KCNK9: variants seen among roughly 807,000 people sequenced by gnomAD.
KCNK9 encodes potassium two pore domain channel subfamily K member 9.
A neutral mutation model predicts 10.8 loss-of-function variants in KCNK9; 1 was observed. The ratio of observed to expected loss-of-function variants is 0.09; its 90% confidence interval spans 0.03 to 0.44. The LOEUF (loss-of-function observed/expected upper bound fraction) is 0.44, where lower values mean the gene tolerates loss of function less well. Among genes scored for constraint, KCNK9 ranks in the 20% least tolerant of loss-of-function variants. The probability of loss-of-function intolerance (pLI) is 0.97; values close to 1 mark genes in which losing one functional copy is unlikely to be tolerated. For synonymous variants in KCNK9, 231 were observed against 222.7 expected, an observed-to-expected ratio of 1.04 and a Z score of -0.33; for missense variants, 303 against 515.0, an observed-to-expected ratio of 0.59 and a Z score of 3.98.
intron 1 of KCNK9, among the ~76,000 whole-genome samples, chr8:139,687,595 C>G (rs1481518913): frequency 1.6e-5 from 1 of 63,304 alleles, no homozygotes; most frequent in South Asian, 4.9e-4. Flanking sequence ...CATATATATT[C>G]ATATGTATAC....
chr8:139,672,689 C>G (rs1816459597), intron 1 of KCNK9, among the ~76,000 whole-genome samples: 1 of 152,224 alleles, frequency 6.6e-6, no homozygotes, highest in South Asian at 2.1e-4. Flanking sequence ...GGGAGCCTCT[C>G]TGTCTACAGC....
At chr8:139,614,110 G>A (rs781064464), downstream of KCNK9, among the ~76,000 whole-genome samples, 1 of 152,196 alleles carries the variant, frequency 6.6e-6, no homozygotes, top group African/African-American at 2.4e-5. Flanking sequence ...AGGCCTCTGA[G>A]AAACCCTGTT....
chr8:139,606,117 CA>C (rs1817481445), intron 2 of KCNK9, among the ~76,000 whole-genome samples: 1 of 152,196 alleles, frequency 6.6e-6, no homozygotes, highest in Non-Finnish European at 1.5e-5. Context: ...ACCTTGACCA[CA>C]ATGGGCCTGT....
downstream of KCNK9, chr8:139,616,948 G>A (rs1814611040): frequency 6.6e-6 from 1 of 152,046 alleles, no homozygotes; most frequent in Non-Finnish European, 1.5e-5. Context: ...TCTTCCCTTT[G>A]GGGTCATCCC....
chr8:139,647,807 T>C (rs911335907), intron 1 of KCNK9, among the ~76,000 whole-genome samples: 6 of 152,138 alleles, frequency 3.9e-5, no homozygotes, highest in Non-Finnish European at 8.8e-5. Flanking sequence ...GGTCTCCCGT[T>C]CCGCCCTTAC....
At chr8:139,656,787 C>T (rs1418220922) in intron 1 of KCNK9, among the ~76,000 whole-genome samples, 2 of 152,228 alleles carry the variant, frequency 1.3e-5, no homozygotes, top group Non-Finnish European at 2.9e-5. Flanking sequence ...CTCACCCGGA[C>T]AGAGGCCACA....
chr8:139,696,358 T>A lies in KCNK9; in HGVS notation c.283+6352A>T, dbSNP rs193278611. Among the ~76,000 whole-genome samples, 4 of 152,340 alleles carry A rather than the reference T, an allele frequency of 2.6e-5. No individual in the cohort carries two copies. In the East Asian group the frequency reaches 7.7e-4, roughly 29 times the overall value. ...AATACATTTGTGAAATGTACACTTT[T>A]CTATAAGAACGTTATACTTAAATAA... is the stretch of plus-strand genomic sequence containing the variant. On this transcript the variant is annotated intron_variant, in intron 1 of 1. Coordinates refer to ENST00000520439, the MANE Select transcript of KCNK9 (RefSeq NM_001282534.2).
intron 1 of KCNK9, among the ~76,000 whole-genome samples, chr8:139,621,391 C>T (rs549762798): frequency 1.3e-4 from 19 of 151,828 alleles, no homozygotes; most frequent in Admixed American, 5.9e-4. Flanking sequence ...GAAAACCACA[C>T]GCCAGAGTCA....
intron 1 of KCNK9, among the ~76,000 whole-genome samples, chr8:139,664,727 C>T (rs1372017310): frequency 6.6e-6 from 1 of 152,180 alleles, no homozygotes; most frequent in African/African-American, 2.4e-5. Context: ...CACATCCCAG[C>T]CTGGTGTCAT....
intron 1 of KCNK9, among the ~76,000 whole-genome samples, chr8:139,674,053 C>T (rs575030866): frequency 1.4e-3 from 209 of 152,336 alleles, no homozygotes; most frequent in African/African-American, 4.9e-3. Flanking sequence ...GAACCCCAGG[C>T]TTGTTTCCAA....
rs1814655169 is a variant in KCNK9 at position 139,618,079 on chromosome 8, CTCTG to C, written c.*175_*178del. On this transcript the variant is annotated 3_prime_UTR_variant, in exon 2 of 2. Coordinates refer to ENST00000520439, the MANE Select transcript of KCNK9 (RefSeq NM_001282534.2). The surrounding 1 kb of genome is among the most constrained non-coding windows in gnomAD (Gnocchi z 7.9). ...TGGGCCTGTATTTCCCTTTGGCCTGCTCTGTCTGGCTGGAAAGGTGGGGGAAAAT... is the reference window on the plus strand; with the variant it reads ...TGGGCCTGTATTTCCCTTTGGCCTGCTCTGGCTGGAAAGGTGGGGGAAAAT... 2 of 806,758 alleles carry C rather than the reference CTCTG, an allele frequency of 2.5e-6. No homozygotes were observed. The highest frequency in any genetic ancestry group is 3.9e-6 in the Non-Finnish European group (2 of 517,808). 50.0% of individuals were successfully genotyped at this position (806,758 alleles called of 1,614,324 possible). A position where few individuals can be genotyped will look rare whatever the true frequency, so the allele number is the denominator to read the frequency against.
At position 139,702,533 on chromosome 8, in the gene KCNK9, G is replaced by A. The variant is rs1817252590; in HGVS notation, c.283+177C>T. ...CCGGGTGGGGTCCCCGAAGGGTGAG[G>A]CTCGGAGGCGCCGCGGAGGGGGGGC... On this transcript the variant is annotated intron_variant, in intron 1 of 1. Transcript: ENST00000520439. The surrounding 1 kb of genome is among the most constrained non-coding windows in gnomAD (Gnocchi z 7.5). Among the ~76,000 whole-genome samples, 1 of 152,136 alleles carries A rather than the reference G, an allele frequency of 6.6e-6. No homozygotes were observed. Among genetic ancestry groups the A allele is most frequent in the Non-Finnish European group, 1.5e-5 (1 of 67,992 alleles).
chr8:139,670,699 T>G (rs1390021452), intron 1 of KCNK9, among the ~76,000 whole-genome samples: 2 of 152,246 alleles, frequency 1.3e-5, no homozygotes, highest in African/African-American at 4.8e-5. Context: ...ATCCTGAGTC[T>G]CAGAGCCATT....
At chr8:139,627,974 G>A (rs1041579647) in intron 1 of KCNK9, among the ~76,000 whole-genome samples, 4 of 152,242 alleles carry the variant, frequency 2.6e-5, no homozygotes, top group Admixed American at 6.5e-5. Flanking sequence ...AAGAGAAGCC[G>A]AAAATATGGA....
intron 1 of KCNK9, among the ~76,000 whole-genome samples, chr8:139,635,783 GA>G (rs1815320039): frequency 6.6e-6 from 1 of 152,172 alleles, no homozygotes; most frequent in African/African-American, 2.4e-5. Context: ...AGGCAGCCTG[GA>G]AGCATCTTAC....
Position 139,618,408 on chromosome 8 carries a change from G to A in KCNK9, c.975C>T (p.His325=). The A allele has an allele frequency of 6.2e-7, 1 of 1,614,204 alleles. No homozygotes were observed. Among genetic ancestry groups the A allele is most frequent in the Non-Finnish European group, 8.5e-7 (1 of 1,180,036 alleles). ...TCTTGTAAGAGATGGAGTGGAAGTA[G>A]TGGGGGGCAAGCTTGGCGCTGAAGG... is the stretch of plus-strand genomic sequence containing the variant. The part of the protein sequence containing the change: ...QNSFSAKLAP[H]YFHSISYKIE... The change falls in exon 2 of 2, where the codon CAC becomes CAT. Residue 325 remains histidine (H), a synonymous_variant. Coordinates refer to ENST00000520439, the MANE Select transcript of KCNK9 (RefSeq NM_001282534.2). The surrounding 1 kb of genome is among the most constrained non-coding windows in gnomAD (Gnocchi z 7.9).
chr8:139,696,411 G>T (rs1160790397), intron 1 of KCNK9, among the ~76,000 whole-genome samples: 1 of 152,200 alleles, frequency 6.6e-6, no homozygotes, highest in Non-Finnish European at 1.5e-5. Flanking sequence ...AAGTGATTGG[G>T]ATTGGCTCAC....
At position 139,650,038 on chromosome 8, in the gene KCNK9, T is replaced by C. The variant is rs1586663479; in HGVS notation, c.284-30939A>G. On this transcript the variant is annotated intron_variant, in intron 1 of 1. Coordinates refer to ENST00000520439, the MANE Select transcript of KCNK9 (RefSeq NM_001282534.2). ...TACCTGGGGAAAGAGAAGTGGCAGG[T>C]GCAAAGGCCCTGTGGCAAGAGAGCC... 2.0e-5 allele frequency among the ~76,000 whole-genome samples: 3 copies of C among 152,226 alleles called. No individual in the cohort carries two copies. In the South Asian group the frequency reaches 6.2e-4, roughly 32 times the overall value.
At chr8:139,678,023 G>T (rs368647480) in intron 1 of KCNK9, among the ~76,000 whole-genome samples, 6 of 146,546 alleles carry the variant, frequency 4.1e-5, no homozygotes. Flanking sequence ...GTAATACCTC[G>T]CATCCCAGCC....
Sources: allele counts gnomAD v4.1 joint callset (sites outside exome capture counted in the v4.1 genomes callset), GRCh38; gene constraint gnomAD v4.1.1; non-coding constraint Gnocchi (gnomAD v3.1); transcripts MANE v1.5; gene names NCBI Gene and HGNC (gene_info 2026-07-23, HGNC 2026-07-21).